Variants in IQCM observed in about 807,000 individuals in gnomAD.
IQCM encodes IQ motif containing M.
In IQCM, 45 loss-of-function variants were observed where a neutral mutation model predicts 57.6. That is an observed-to-expected ratio of 0.78 (90% confidence interval 0.62 to 1.00). The LOEUF is 1.00. IQCM is among the 50% of genes least tolerant of loss of function. The pLI, the probability that IQCM is intolerant of heterozygous loss-of-function variation, is 0.00. For synonymous variants in IQCM, 148 were observed against 158.9 expected, an observed-to-expected ratio of 0.93 and a Z score of 0.51; for missense variants, 468 against 511.6, an observed-to-expected ratio of 0.91 and a Z score of 0.82.
chr4:149,661,520 G>A (rs547875491), intron 7 of IQCM, among the ~76,000 whole-genome samples: 1 of 152,210 alleles, frequency 6.6e-6, no homozygotes, highest in African/African-American at 2.4e-5. Flanking sequence ...AGTTGAAGGA[G>A]CATTGGTTTT....
intron 8 of IQCM, among the ~76,000 whole-genome samples, chr4:149,595,759 A>G (rs1032984767): frequency 6.6e-6 from 1 of 152,174 alleles, no homozygotes; most frequent in Non-Finnish European, 1.5e-5. Context: ...AGCTTCCAGG[A>G]ATGCAAACAA....
rs192606566 is a variant in IQCM at position 149,667,071 on chromosome 4, G to T, written c.565+15047C>A. Among the ~76,000 whole-genome samples the T allele has an allele frequency of 2.9e-3, 434 of 152,274 alleles. 7 individuals are homozygous for T. Among genetic ancestry groups the T allele is most frequent in the African/African-American group, 9.8e-3 (409 of 41,562 alleles). ...GCAGATCTCCCAGCACAGCACTTGA[G>T]CTCTGCTAAGGGGACAGACTGCCTC... On this transcript the variant is annotated intron_variant, in intron 7 of 13. Transcript: ENST00000636793.
At chr4:149,576,500 G>GT (rs574302908) in intron 9 of IQCM, among the ~76,000 whole-genome samples, 225 of 151,990 alleles carry the variant, frequency 1.5e-3, no homozygotes, top group African/African-American at 5.2e-3. Flanking sequence ...GTGGTATTTG[G>GT]TTTTTTGTTC....
chr4:149,553,185 G>A lies in IQCM; in HGVS notation c.1051C>T (p.Leu351Phe). Residue 351 changes from leucine to phenylalanine, a missense_variant, in exon 11 of 14, where the codon CTC becomes TTC. Transcript: ENST00000636793. ...CACTCCTCTAGCTCTGCTAAGTTGA[G>A]AATTTGTCTTGTCCTCCAAAGACCA... ...RRGLWRTRQILNLAELEEWMD... is the reference protein window; with the variant it reads ...RRGLWRTRQIFNLAELEEWMD... 8.1e-7 allele frequency: 1 copy of A among 1,231,964 alleles called. No homozygotes were observed. Among genetic ancestry groups the A allele is most frequent in the Non-Finnish European group, 1.0e-6 (1 of 987,852 alleles). The allele number at this position is 1,231,964 out of a possible 1,614,324, so 76.3% of individuals were successfully genotyped here. A position where few individuals can be genotyped will look rare whatever the true frequency, so the allele number is the denominator to read the frequency against.
intron 9 of IQCM, among the ~76,000 whole-genome samples, chr4:149,583,957 A>C (rs1463874177): frequency 6.6e-6 from 1 of 151,504 alleles, no homozygotes; most frequent in African/African-American, 2.4e-5. Flanking sequence ...ATGAGATCCC[A>C]CTTCATCACA....
intron 7 of IQCM, among the ~76,000 whole-genome samples, chr4:149,653,826 ATCTT>A (rs1759406407): frequency 6.6e-6 from 1 of 152,134 alleles, no homozygotes; most frequent in African/African-American, 2.4e-5. Context: ...CTTGGTTATA[ATCTT>A]GATGCCAAGA....
At chr4:149,717,701 A>G (rs1398471349) in intron 5 of IQCM, among the ~76,000 whole-genome samples, 3 of 152,234 alleles carry the variant, frequency 2.0e-5, no homozygotes, top group Admixed American at 6.5e-5. Flanking sequence ...GAGGTTGACC[A>G]ACTTACACAG....
intron 13 of IQCM, among the ~76,000 whole-genome samples, chr4:149,371,460 C>T (rs1730364345): frequency 6.6e-6 from 1 of 152,150 alleles, no homozygotes; most frequent in Admixed American, 6.6e-5. Flanking sequence ...TAACTATCCA[C>T]CTCCTAAGGA....
chr4:149,714,943 A>T (rs1321167270), intron 5 of IQCM, among the ~76,000 whole-genome samples: 1 of 152,186 alleles, frequency 6.6e-6, no homozygotes, highest in Non-Finnish European at 1.5e-5. Flanking sequence ...ACTCAGAAGG[A>T]TGTATAATTT....
intron 12 of IQCM, among the ~76,000 whole-genome samples, chr4:149,447,567 A>G (rs1736647968): frequency 6.6e-6 from 1 of 151,582 alleles, no homozygotes; most frequent in Non-Finnish European, 1.5e-5. Context: ...AGTGAAATTG[A>G]GAACATACCA....
At chr4:149,550,335 T>G (rs1560980398) in intron 11 of IQCM, among the ~76,000 whole-genome samples, 2 of 152,222 alleles carry the variant, frequency 1.3e-5, no homozygotes, top group African/African-American at 4.8e-5. Flanking sequence ...ATTAACAGTA[T>G]TGCCTAGGAT....
At chr4:149,416,615 G>C (rs1236289869) in intron 13 of IQCM, among the ~76,000 whole-genome samples, 3 of 152,076 alleles carry the variant, frequency 2.0e-5, no homozygotes, top group Non-Finnish European at 4.4e-5. Context: ...GCTAGCAGTG[G>C]AGGACACACC....
intron 13 of IQCM, among the ~76,000 whole-genome samples, chr4:149,406,810 A>G (rs1733010886): frequency 1.3e-5 from 2 of 152,198 alleles, no homozygotes; most frequent in Non-Finnish European, 2.9e-5. Flanking sequence ...AACAGTCTGT[A>G]TTAGTCTGTT....
chr4:149,519,813 G>T (rs947015522), intron 12 of IQCM, among the ~76,000 whole-genome samples: 2 of 151,654 alleles, frequency 1.3e-5, no homozygotes, highest in Non-Finnish European at 2.9e-5. Context: ...GACCTTCCTG[G>T]CTAACACGGT....
intron 2 of IQCM, among the ~76,000 whole-genome samples, chr4:149,780,559 T>C (rs1377179840): frequency 1.4e-5 from 2 of 143,644 alleles, no homozygotes; most frequent in African/African-American, 5.0e-5. Flanking sequence ...AACATATTTT[T>C]TTCCACAGAA....
At chr4:149,445,216 T>A (rs1736376526) in intron 12 of IQCM, among the ~76,000 whole-genome samples, 1 of 151,736 alleles carries the variant, frequency 6.6e-6, no homozygotes, top group Non-Finnish European at 1.5e-5. Flanking sequence ...CTAGAATTAA[T>A]CAAATATAAG....
intron 2 of IQCM, 36 bp downstream of exon 2, chr4:149,815,275 T>A (rs1322881392): frequency 6.6e-6 from 1 of 151,984 alleles, no homozygotes; most frequent in Non-Finnish European, 1.5e-5. Flanking sequence ...CCTGAATTGT[T>A]ATATACAGAC....
intron 2 of IQCM, among the ~76,000 whole-genome samples, chr4:149,790,619 G>A (rs1036939334): frequency 3.9e-5 from 6 of 152,018 alleles, no homozygotes; most frequent in African/African-American, 1.2e-4. Flanking sequence ...CCCTTCACTG[G>A]TTGTATAAAA....
chr4:149,652,733 A>G (rs1424620931), intron 7 of IQCM, among the ~76,000 whole-genome samples: 2 of 152,138 alleles, frequency 1.3e-5, no homozygotes, highest in Non-Finnish European at 2.9e-5. Flanking sequence ...GGAAGAGCTT[A>G]AAAGGAGTAA....
Sources: allele counts gnomAD v4.1 joint callset (sites outside exome capture counted in the v4.1 genomes callset), GRCh38; gene constraint gnomAD v4.1.1; transcripts MANE v1.5; gene names NCBI Gene and HGNC (gene_info 2026-07-23, HGNC 2026-07-21).